DOK5: variants seen among roughly 807,000 people sequenced by gnomAD.
DOK5 encodes docking protein 5.
In DOK5, 27 loss-of-function variants were observed where a neutral mutation model predicts 43.3. The ratio of observed to expected loss-of-function variants is 0.62; its 90% CI spans 0.46 to 0.86. DOK5 has a LOEUF of 0.86. DOK5 is among the 40% of genes least tolerant of loss of function. The probability of loss-of-function intolerance (pLI) is 0.00; values close to 1 mark genes in which losing one functional copy is unlikely to be tolerated. For synonymous variants in DOK5, 146 were observed against 140.1 expected, an observed-to-expected ratio of 1.04 and a Z score of -0.30; for missense variants, 373 against 392.9, an observed-to-expected ratio of 0.95 and a Z score of 0.43.
chr20:54,476,326 C>A, intron 1 of DOK5: 1 of 696,342 alleles, frequency 1.4e-6, no homozygotes, highest in Non-Finnish European at 1.8e-6. Flanking sequence ...CTGAGAAGCC[C>A]GGGCGGGGGT....
At position 54,646,248 on chromosome 20, in the gene DOK5, G is replaced by GTTTTTTTTTTTTTTTTTT. The variant is rs386394048; in HGVS notation, c.856+2677_856+2694dup. Among the ~76,000 whole-genome samples, 77 of 79,932 alleles carry GTTTTTTTTTTTTTTTTTT rather than the reference G, an allele frequency of 9.6e-4. 7 individuals carry two copies. The highest frequency in any genetic ancestry group is 1.3e-3 in the African/African-American group (24 of 18,994). The allele number at this position is 79,932 out of a possible 152,430, so 52.4% of individuals were successfully genotyped here. A position where few individuals can be genotyped will look rare whatever the true frequency, so the allele number is the denominator to read the frequency against. On this transcript the variant is annotated intron_variant, in intron 7 of 7. Coordinates refer to ENST00000262593, the MANE Select transcript of DOK5 (RefSeq NM_018431.5). ...TACTGTTATATCCACTGGTTATACTGTTTTTTTTTTTTTTTTTTTTTTTTG... is the reference window on the plus strand; with the variant it reads ...TACTGTTATATCCACTGGTTATACTGTTTTTTTTTTTTTTTTTTTTTTTTTTTTTTTTTTTTTTTTTTG...
chr20:54,550,142 T>A (rs1410702089), intron 1 of DOK5, among the ~76,000 whole-genome samples: 1 of 148,140 alleles, frequency 6.8e-6, no homozygotes, highest in Non-Finnish European at 1.5e-5. Flanking sequence ...TTCTTAAAGT[T>A]ACTCACTCTG....
chr20:54,609,690 T>G (rs890224007), intron 5 of DOK5, among the ~76,000 whole-genome samples: 1 of 152,182 alleles, frequency 6.6e-6, no homozygotes, highest in Non-Finnish European at 1.5e-5. Flanking sequence ...TTAATGAAAT[T>G]TATTTCTCTT....
chr20:54,568,780 A>T (rs2146745015), intron 2 of DOK5, among the ~76,000 whole-genome samples: 1 of 152,028 alleles, frequency 6.6e-6, no homozygotes, highest in Non-Finnish European at 1.5e-5. Context: ...AATACAAAAA[A>T]TTAGCCGGGT....
rs181873735 is a variant in DOK5, at chr20:54,592,697, C to T, written c.599+892C>T. On this transcript the variant is annotated intron_variant, in intron 5 of 7. Coordinates refer to ENST00000262593, the MANE Select transcript of DOK5 (RefSeq NM_018431.5). ...CTGGGACTACAGGTGCCCGCCACCA[C>T]GCCTCGCTAATTTTTTTGTATTTTC... Among the ~76,000 whole-genome samples, 118 of 152,080 alleles carry T rather than the reference C, an allele frequency of 7.8e-4. 1 individual carries two copies. Among genetic ancestry groups the T allele is most frequent in the Admixed American group, 2.8e-3 (42 of 15,264 alleles).
intron 1 of DOK5, among the ~76,000 whole-genome samples, chr20:54,535,294 T>G (rs1227465584): frequency 1.5e-5 from 2 of 136,682 alleles, no homozygotes; most frequent in Non-Finnish European, 3.0e-5. Context: ...TCCTTGTGGG[T>G]TTTTTTTTTA....
intron 2 of DOK5, among the ~76,000 whole-genome samples, chr20:54,574,200 G>A (rs893453550): frequency 3.9e-5 from 6 of 152,068 alleles, no homozygotes; most frequent in Non-Finnish European, 8.8e-5. Flanking sequence ...TGCAAATGCC[G>A]CCAAAAGGCC....
At chr20:54,507,236 C>T (rs753090854) in intron 1 of DOK5, among the ~76,000 whole-genome samples, 30 of 151,902 alleles carry the variant, frequency 2.0e-4, no homozygotes, top group African/African-American at 6.8e-4. Flanking sequence ...AATGATAGGT[C>T]GAGGTAATAA....
chr20:54,536,914 G>A (rs116783896), intron 1 of DOK5, among the ~76,000 whole-genome samples: 214 of 152,320 alleles, frequency 1.4e-3, no homozygotes, highest in African/African-American at 5.1e-3. Context: ...CATGGTGTCT[G>A]CGGAGACCAC....
At chr20:54,499,471 G>T (rs1242855331) in intron 1 of DOK5, among the ~76,000 whole-genome samples, 1 of 152,170 alleles carries the variant, frequency 6.6e-6, no homozygotes, top group East Asian at 1.9e-4. Flanking sequence ...CAGAATGCTG[G>T]ATGGATGAGG....
intron 1 of DOK5, among the ~76,000 whole-genome samples, chr20:54,490,404 T>C (rs6123387): frequency 6.6e-6 from 1 of 152,220 alleles, no homozygotes; most frequent in Non-Finnish European, 1.5e-5. Context: ...TATTCATTAA[T>C]ACAGCTCAGT....
At chr20:54,489,389 A>G (rs988065060) in intron 1 of DOK5, among the ~76,000 whole-genome samples, 1 of 151,794 alleles carries the variant, frequency 6.6e-6, no homozygotes, top group African/African-American at 2.4e-5. Context: ...TCTATATATA[A>G]GTAGTTTTGT....
chr20:54,522,657 T>A (rs529126631), intron 1 of DOK5, among the ~76,000 whole-genome samples: 27 of 151,858 alleles, frequency 1.8e-4, no homozygotes, highest in Non-Finnish European at 3.1e-4. Context: ...GTAGCTGGGA[T>A]TACAGGCGTC....
At chr20:54,501,225 T>C (rs574325350) in intron 1 of DOK5, among the ~76,000 whole-genome samples, 1 of 151,992 alleles carries the variant, frequency 6.6e-6, no homozygotes, top group Admixed American at 6.5e-5. Flanking sequence ...CCCAGCACTT[T>C]GGGAGGCCAA....
At chr20:54,549,612 C>T (rs1984458486) in intron 1 of DOK5, among the ~76,000 whole-genome samples, 2 of 152,232 alleles carry the variant, frequency 1.3e-5, no homozygotes, top group South Asian at 4.1e-4. Context: ...AATTGAAGAA[C>T]CTTTAACTTG....
chr20:54,546,838 A>G (rs1259864646), intron 1 of DOK5, among the ~76,000 whole-genome samples: 3 of 152,166 alleles, frequency 2.0e-5, no homozygotes. Flanking sequence ...ATCCACCTTA[A>G]TTGTAGAACA....
At chr20:54,523,707 G>A (rs1983488761) in intron 1 of DOK5, among the ~76,000 whole-genome samples, 1 of 152,030 alleles carries the variant, frequency 6.6e-6, no homozygotes. Context: ...CTGGGTTCAA[G>A]CAATTCTCCT....
intron 1 of DOK5, among the ~76,000 whole-genome samples, chr20:54,499,559 T>C (rs895512465): frequency 5.3e-5 from 8 of 152,170 alleles, no homozygotes; most frequent in Middle Eastern, 3.2e-3. Context: ...ATTGTACTGC[T>C]ATGCAGCCAA....
At chr20:54,604,281 G>A (rs1023959889) in intron 5 of DOK5, among the ~76,000 whole-genome samples, 5 of 151,010 alleles carry the variant, frequency 3.3e-5, no homozygotes, top group Non-Finnish European at 5.9e-5. Flanking sequence ...CACTTTCACA[G>A]ACAAAAGTAA....
Sources: allele counts gnomAD v4.1 joint callset (sites outside exome capture counted in the v4.1 genomes callset), GRCh38; gene constraint gnomAD v4.1.1; transcripts MANE v1.5; gene names NCBI Gene and HGNC (gene_info 2026-07-23, HGNC 2026-07-21).